Variants in GABRA3 observed in about 807,000 individuals in gnomAD.
The protein encoded by GABRA3 is gamma-aminobutyric acid receptor subunit alpha-3.
GABRA3 carries 10 observed loss-of-function variants against 30.1 expected under a neutral mutation model. That is an observed-to-expected ratio of 0.33 (90% confidence interval 0.20 to 0.56). The LOEUF (loss-of-function observed/expected upper bound fraction) is 0.56, where lower values mean the gene tolerates loss of function less well. GABRA3 is among the 20% of genes least tolerant of loss of function. The pLI, the probability that GABRA3 is intolerant of heterozygous loss-of-function variation, is 0.89. For synonymous variants in GABRA3, 151 were observed against 146.8 expected (o/e 1.03, Z -0.21); for missense variants, 233 against 392.0 (o/e 0.59, Z 3.42).
At position 152,347,736 on chromosome X, in the gene GABRA3, C is replaced by A. The variant is rs1940412501; in HGVS notation, c.141-2034G>T. Among the ~76,000 whole-genome samples the A allele has an allele frequency of 3.6e-5, 4 of 112,023 alleles. No homozygotes were observed. The South Asian group carries it at 1.5e-3, about 41-fold the overall frequency. ...ATGCATTTCCATTTCCTCCTGGTGACTGTTGATATCTTAGCATCATTCTTC... is the reference window on the plus strand; with the variant it reads ...ATGCATTTCCATTTCCTCCTGGTGAATGTTGATATCTTAGCATCATTCTTC... On this transcript the variant is annotated intron_variant, in intron 2 of 9. Transcript: ENST00000370314.
At chrX:152,340,785 C>G (rs1248598433) in intron 3 of GABRA3, among the ~76,000 whole-genome samples, 2 of 111,571 alleles carry the variant, frequency 1.8e-5, no homozygotes, top group African/African-American at 6.5e-5. Context: ...TTTCCTTTCT[C>G]TTGGTGTAAT....
chrX:152,446,452 T>C (rs1444427603), intron 1 of GABRA3, among the ~76,000 whole-genome samples: 1 of 110,473 alleles, frequency 9.1e-6, no homozygotes, highest in African/African-American at 3.3e-5. Flanking sequence ...CTCTCCTCTC[T>C]TGGCACCTTC....
chrX:152,442,619 T>C (rs1335391130), intron 1 of GABRA3, among the ~76,000 whole-genome samples: 1 of 111,821 alleles, frequency 8.9e-6, no homozygotes, highest in African/African-American at 3.2e-5. Flanking sequence ...AGCTAGTAAG[T>C]AGAAGAGCTG....
At chrX:152,374,524 G>A (rs368416616) in intron 1 of GABRA3, among the ~76,000 whole-genome samples, 3 of 108,649 alleles carry the variant, frequency 2.8e-5, no homozygotes, top group Middle Eastern at 4.7e-3. Context: ...CTGATTTTTC[G>A]TATTTTTAGT....
Position 152,189,716 on chromosome X carries a change from T to C in GABRA3, c.1143+14A>G, listed in dbSNP as rs1201346436. 8 of 1,169,223 alleles carry C rather than the reference T, an allele frequency of 6.8e-6. No individual in the cohort carries two copies. The highest frequency in any genetic ancestry group is 9.3e-6 in the Non-Finnish European group (8 of 862,822). Reference sequence around the variant, plus strand: ...TCGGGGGTGCTTCTCAGTTTCTCTTTTGCTATATCTCACCTTCATCTCCAG... The same window carrying C: ...TCGGGGGTGCTTCTCAGTTTCTCTTCTGCTATATCTCACCTTCATCTCCAG... On this transcript the variant is annotated intron_variant, in intron 9 of 9. Transcript: ENST00000370314.
intron 1 of GABRA3, among the ~76,000 whole-genome samples, chrX:152,389,923 T>TAAA (rs370355585): frequency 9.2e-6 from 1 of 108,683 alleles, no homozygotes; most frequent in Admixed American, 9.9e-5. Flanking sequence ...TGGTAAATGA[T>TAAA]AAAAAAAAAT....
At chrX:152,241,338 C>T (rs1270312796) in intron 5 of GABRA3, among the ~76,000 whole-genome samples, 3 of 91,408 alleles carry the variant, frequency 3.3e-5, no homozygotes, top group Non-Finnish European at 7.6e-5. Context: ...GTCAGGGACC[C>T]ACTTGAGGAG....
intron 1 of GABRA3, among the ~76,000 whole-genome samples, chrX:152,366,617 A>T (rs1409241036): frequency 2.7e-5 from 3 of 112,524 alleles, no homozygotes; most frequent in African/African-American, 9.7e-5. Context: ...AGACAACAGC[A>T]TTACATGAAA....
intron 8 of GABRA3, among the ~76,000 whole-genome samples, chrX:152,195,572 T>C (rs1265717386): frequency 1.8e-5 from 2 of 112,107 alleles, no homozygotes; most frequent in African/African-American, 6.5e-5. Flanking sequence ...ATTACCTTTT[T>C]CAGCTTCTAG....
At chrX:152,187,619 T>C (rs1280831916) in intron 9 of GABRA3, among the ~76,000 whole-genome samples, 1 of 111,529 alleles carries the variant, frequency 9.0e-6, no homozygotes, top group Non-Finnish European at 1.9e-5. Context: ...GGAAAGTTCT[T>C]ACTAGTCAGA....
intron 1 of GABRA3, among the ~76,000 whole-genome samples, chrX:152,387,859 C>A (rs1480738706): frequency 9.0e-6 from 1 of 111,168 alleles, no homozygotes; most frequent in Non-Finnish European, 1.9e-5. Flanking sequence ...ATGCTTCCTT[C>A]CTTGTAAACA....
chrX:152,360,898 C>A (rs1928482289), intron 2 of GABRA3, among the ~76,000 whole-genome samples: 1 of 106,054 alleles, frequency 9.4e-6, no homozygotes, highest in African/African-American at 3.4e-5. Context: ...GACAGTGAGA[C>A]CCTATCTCTA....
chrX:152,314,731 T>C lies in GABRA3; in HGVS notation c.263-29996A>G, dbSNP rs536695817. ...TAAATGGCACTTCGTCAGAGAGGCA[T>C]TCTCTCTGTTTTTCCTAAATCTGAA... On this transcript the variant is annotated intron_variant, in intron 3 of 9. Transcript: ENST00000370314. Among the ~76,000 whole-genome samples, 3 of 112,386 alleles carry C rather than the reference T, an allele frequency of 2.7e-5. No homozygotes were observed. In the East Asian group the frequency reaches 8.4e-4, roughly 32 times the overall value.
At chrX:152,445,514 A>G (rs757615183) in intron 1 of GABRA3, among the ~76,000 whole-genome samples, 2 of 111,465 alleles carry the variant, frequency 1.8e-5, no homozygotes, top group South Asian at 7.6e-4. Flanking sequence ...GGAATAAAAA[A>G]TGGAAGGTGC....
chrX:152,403,562 G>A (rs1006780876), intron 1 of GABRA3, among the ~76,000 whole-genome samples: 3 of 41,452 alleles, frequency 7.2e-5, no homozygotes, highest in South Asian at 2.9e-3. Flanking sequence ...GTGTGTGTAT[G>A]TGCACACGTG....
At position 152,183,817 on chromosome X, in the gene GABRA3, T is replaced by A. The variant is rs746296134; in HGVS notation, c.1143+5913A>T. Among the ~76,000 whole-genome samples the A allele has an allele frequency of 6.3e-5, 7 of 111,749 alleles. No individual in the cohort carries two copies. The East Asian group carries it at 2.0e-3, about 31-fold the overall frequency. ...AATTTCTCCTTTGACTTATTGGTTG[T>A]TCAGGAGAATGTTGTTTAATTTTCA... On this transcript the variant is annotated intron_variant, in intron 9 of 9. Transcript: ENST00000370314.
intron 1 of GABRA3, among the ~76,000 whole-genome samples, chrX:152,433,641 G>A (rs1341931801): frequency 1.0e-5 from 1 of 95,809 alleles, no homozygotes; most frequent in African/African-American, 3.9e-5. Flanking sequence ...TAAACTCAAA[G>A]CAAACAAAAG....
chrX:152,369,473 CCA>C (rs779712650), intron 1 of GABRA3, among the ~76,000 whole-genome samples: 5 of 111,746 alleles, frequency 4.5e-5, no homozygotes, highest in African/African-American at 6.5e-5. Flanking sequence ...TCCACTTCAG[CCA>C]CTGTGGCCTC....
At chrX:152,445,101 TAAG>T (rs1309894882) in intron 1 of GABRA3, among the ~76,000 whole-genome samples, 3 of 107,037 alleles carry the variant, frequency 2.8e-5, no homozygotes, top group African/African-American at 1.0e-4. Context: ...TTGTGTTTTT[TAAG>T]AAATCAGTTT....
Sources: allele counts gnomAD v4.1 joint callset (sites outside exome capture counted in the v4.1 genomes callset), GRCh38; gene constraint gnomAD v4.1.1; transcripts MANE v1.5; gene names NCBI Gene and HGNC (gene_info 2026-07-23, HGNC 2026-07-21).